Variants in GALNT15 observed in about 807,000 individuals in gnomAD.
The protein encoded by GALNT15 is polypeptide N-acetylgalactosaminyltransferase 15.
GALNT15 carries 67 observed loss-of-function variants against 66.8 expected under a neutral mutation model. The ratio of observed to expected loss-of-function variants is 1.00; its 90% confidence interval spans 0.82 to 1.23. GALNT15 has a LOEUF of 1.23. Among genes scored for constraint, GALNT15 ranks in the 50% most tolerant of loss-of-function variants. GALNT15 has a pLI of 0.00. For missense variants in GALNT15, 827 were observed against 804.3 expected, an observed-to-expected ratio of 1.03 and a Z score of -0.34; for synonymous variants, 313 against 311.5, an observed-to-expected ratio of 1.00 and a Z score of -0.05.
rs1006714312 is a variant in GALNT15, at chr3:16,189,996, C to T, written c.540-5764C>T. Among the ~76,000 whole-genome samples the T allele has an allele frequency of 2.0e-5, 3 of 152,218 alleles. No homozygotes were observed. Among genetic ancestry groups the T allele is most frequent in the Non-Finnish European group, 2.9e-5 (2 of 68,054 alleles). ...GGATTTGAACCCAATGCCAAAACTT[C>T]GCCTTTTATCCACTTGATAAAACAT... is the stretch of plus-strand genomic sequence containing the variant. On this transcript the variant is annotated intron_variant, in intron 1 of 9. Coordinates refer to ENST00000339732, the MANE Select transcript of GALNT15 (RefSeq NM_054110.5). This position sits in a 1 kb window ranked among gnomAD's most constrained non-coding sequence, Gnocchi z 5.1.
rs1198148818 is a variant in GALNT15 at position 16,182,699 on chromosome 3, T to C, written c.539+7009T>C. On this transcript the variant is annotated intron_variant, in intron 1 of 9. Coordinates refer to ENST00000339732, the MANE Select transcript of GALNT15 (RefSeq NM_054110.5). This position sits in a 1 kb window ranked among gnomAD's most constrained non-coding sequence, Gnocchi z 6.1. ...CACTAACAACCACTGCCCTCTACTC[T>C]AACTGTGGTCCAGGAACCAACAGCA... 1 of 152,216 alleles carries C rather than the reference T, an allele frequency of 6.6e-6. No homozygotes were observed. The highest frequency in any genetic ancestry group is 1.5e-5 in the Non-Finnish European group (1 of 68,062). The allele number at this position is 152,216 out of a possible 1,614,324, so 9.4% of individuals were successfully genotyped here. A position where few individuals can be genotyped will look rare whatever the true frequency, so the allele number is the denominator to read the frequency against.
the GALNT15 span, among the ~76,000 whole-genome samples, chr3:16,248,087 G>C: frequency 2.0e-5 from 3 of 152,138 alleles, no homozygotes; most frequent in Non-Finnish European, 2.9e-5. This position sits in a 1 kb window ranked among gnomAD's most constrained non-coding sequence, Gnocchi z 4.9. Context: ...GCAGTTTACT[G>C]ACAATGTTTA....
In GALNT15 at chr3:16,225,198, G is replaced by A. The variant is rs557476040; in HGVS notation, c.1774-2156G>A. ...TAAATGACCAGATCCTCAAGAACTC[G>A]CTATCAAGAAGACAGCACGAAGCCA... On this transcript the variant is annotated intron_variant, in intron 9 of 9. Coordinates refer to ENST00000339732, the MANE Select transcript of GALNT15 (RefSeq NM_054110.5). This position sits in a 1 kb window ranked among gnomAD's most constrained non-coding sequence, Gnocchi z 4.4. 2.6e-5 allele frequency among the ~76,000 whole-genome samples: 4 copies of A among 152,188 alleles called. No homozygotes were observed. The South Asian group carries it at 8.3e-4, about 32-fold the overall frequency.
intron 3 of GALNT15, among the ~76,000 whole-genome samples, chr3:16,206,666 C>T (rs2063760588): frequency 9.0e-6 from 1 of 111,162 alleles, no homozygotes; most frequent in Admixed American, 1.1e-4. Context: ...AAGCGAGACT[C>T]TGTCTAAAAA....
At chr3:16,233,582 A>G (rs9858765), downstream of GALNT15, among the ~76,000 whole-genome samples, 4,184 of 151,336 alleles carry the variant, frequency 0.028, 179 homozygotes, top group African/African-American at 0.095. Context: ...CACTTTCTTT[A>G]TCTTTCCCCA....
rs561737880 is a variant in GALNT15 at position 16,187,501 on chromosome 3, A to C, written c.540-8259A>C. Among the ~76,000 whole-genome samples, 2 of 152,252 alleles carry C rather than the reference A, an allele frequency of 1.3e-5. No homozygotes were observed. The highest frequency in any genetic ancestry group is 3.9e-4 in the East Asian group (2 of 5,154). Reference sequence around the variant, plus strand: ...TTCTTCAAGCAGACTGTAATCCTCTATTAGGCTACGTTGGTTTCATTACAT... The same window carrying C: ...TTCTTCAAGCAGACTGTAATCCTCTCTTAGGCTACGTTGGTTTCATTACAT... On this transcript the variant is annotated intron_variant, in intron 1 of 9. Coordinates refer to ENST00000339732, the MANE Select transcript of GALNT15 (RefSeq NM_054110.5). This position sits in a 1 kb window ranked among gnomAD's most constrained non-coding sequence, Gnocchi z 5.1.
the GALNT15 span, among the ~76,000 whole-genome samples, chr3:16,245,205 G>A: frequency 2.6e-5 from 4 of 152,108 alleles, no homozygotes; most frequent in Non-Finnish European, 2.9e-5. Flanking sequence ...CAACTTTAAC[G>A]TGTCCTTATA....
downstream of GALNT15, among the ~76,000 whole-genome samples, chr3:16,233,267 G>C (rs1000911805): frequency 2.0e-5 from 3 of 151,246 alleles, no homozygotes; most frequent in African/African-American, 7.3e-5. Flanking sequence ...GCTAATTTTT[G>C]TATTTTTAGT....
intron 3 of GALNT15, among the ~76,000 whole-genome samples, chr3:16,207,239 A>G (rs1039175386): frequency 2.6e-5 from 4 of 152,180 alleles, no homozygotes; most frequent in African/African-American, 4.8e-5. Context: ...TGTAAACACA[A>G]TGTGGCTAGT....
At chr3:16,177,907 G>A (rs1394127168) in intron 1 of GALNT15, among the ~76,000 whole-genome samples, 1 of 152,184 alleles carries the variant, frequency 6.6e-6, no homozygotes, top group Non-Finnish European at 1.5e-5. Context: ...GTTGTATGTG[G>A]CACAAGTGCA....
the GALNT15 span, among the ~76,000 whole-genome samples, chr3:16,246,889 A>G: frequency 6.6e-6 from 1 of 152,216 alleles, no homozygotes; most frequent in Non-Finnish European, 1.5e-5. Flanking sequence ...TGTGAGGCCT[A>G]TGGCTTGTAA....
At position 16,181,420 on chromosome 3, in the gene GALNT15, T is replaced by G. The variant is rs1268576959; in HGVS notation, c.539+5730T>G. Among the ~76,000 whole-genome samples the G allele has an allele frequency of 1.3e-5, 2 of 152,064 alleles. No homozygotes were observed. Among genetic ancestry groups the G allele is most frequent in the Admixed American group, 6.5e-5 (1 of 15,268 alleles). On this transcript the variant is annotated intron_variant, in intron 1 of 9. Coordinates refer to ENST00000339732, the MANE Select transcript of GALNT15 (RefSeq NM_054110.5). The surrounding 1 kb of genome is among the most constrained non-coding windows in gnomAD (Gnocchi z 5.9). The stretch of plus-strand genomic sequence containing the variant: ...GAGCTGGGAGGGATATCTTCTGCTT[T>G]GTTCCCCACTTCCTGCCCCAGAGGC...
At chr3:16,206,671 T>TAAAAAAAAA (rs1170870767) in intron 3 of GALNT15, among the ~76,000 whole-genome samples, 36 of 60,000 alleles carry the variant, frequency 6.0e-4, no homozygotes, top group Non-Finnish European at 8.3e-4. Flanking sequence ...AGACTCTGTC[T>TAAAAAAAAA]AAAAAAAAAA....
chr3:16,194,848 G>A (rs2063615952), intron 1 of GALNT15, among the ~76,000 whole-genome samples: 1 of 152,158 alleles, frequency 6.6e-6, no homozygotes, highest in African/African-American at 2.4e-5. Flanking sequence ...TGGGGAGGGA[G>A]AGCATCAGGA....
rs2063493107 is a variant in GALNT15 at position 16,183,876 on chromosome 3, T to C, written c.539+8186T>C. 6.6e-6 allele frequency among the ~76,000 whole-genome samples: 1 copy of C among 152,194 alleles called. No individual in the cohort carries two copies. The highest frequency in any genetic ancestry group is 6.5e-5 in the Admixed American group (1 of 15,286). On this transcript the variant is annotated intron_variant, in intron 1 of 9. Transcript: ENST00000339732. This position sits in a 1 kb window ranked among gnomAD's most constrained non-coding sequence, Gnocchi z 5.2. ...CAGAGCCATCATCCAAATGCATTTT[T>C]CCAAGTTCACAGGGGATCCTGGAGC...
Position 16,195,477 on chromosome 3 carries a change from G to A in GALNT15, c.540-283G>A, listed in dbSNP as rs529603176. Among the ~76,000 whole-genome samples, 19 of 152,286 alleles carry A rather than the reference G, an allele frequency of 1.2e-4. No homozygotes were observed. The East Asian group carries it at 2.3e-3, about 19-fold the overall frequency. On this transcript the variant is annotated intron_variant, in intron 1 of 9. Transcript: ENST00000339732. The surrounding 1 kb of genome is among the most constrained non-coding windows in gnomAD (Gnocchi z 4.6). The stretch of plus-strand genomic sequence containing the variant: ...TCATTCATTCTCATTTTACAGATGA[G>A]GACAGTCATTTGCTGAGGATGACGG...
intron 2 of GALNT15, among the ~76,000 whole-genome samples, chr3:16,196,412 G>A (rs911645035): frequency 6.6e-6 from 1 of 152,196 alleles, no homozygotes; most frequent in Non-Finnish European, 1.5e-5. Context: ...GGGGCCCAGA[G>A]AAGACAGCAG....
chr3:16,176,060 T>C lies in GALNT15; in HGVS notation c.539+370T>C, dbSNP rs1051491366. On this transcript the variant is annotated intron_variant, in intron 1 of 9. Transcript: ENST00000339732. The surrounding 1 kb of genome is among the most constrained non-coding windows in gnomAD (Gnocchi z 5.6). ...TCTTTAGGTCAAATGGCTTTATTTCTATAACACAGAAGGGAGGTTAGAGCA... is the reference window on the plus strand; with the variant it reads ...TCTTTAGGTCAAATGGCTTTATTTCCATAACACAGAAGGGAGGTTAGAGCA... 6.6e-6 allele frequency among the ~76,000 whole-genome samples: 1 copy of C among 152,074 alleles called. No homozygotes were observed. Among genetic ancestry groups the C allele is most frequent in the African/African-American group, 2.4e-5 (1 of 41,312 alleles).
In GALNT15 at chr3:16,195,939, TTCC is replaced by T; in HGVS notation, c.706+17_706+19del. ...CTCAGCCAGCAAGGTAGCCACGGCT[TTCC>T]TCCAGGCTCGTCTGGGTGAGCCTTA... On this transcript the variant is annotated intron_variant, in intron 2 of 9. Transcript: ENST00000339732. This position sits in a 1 kb window ranked among gnomAD's most constrained non-coding sequence, Gnocchi z 4.6. 1 of 1,613,812 alleles carries T rather than the reference TTCC, an allele frequency of 6.2e-7. No individual in the cohort carries two copies. The highest frequency in any genetic ancestry group is 2.2e-5 in the East Asian group (1 of 44,878).
Sources: gnomAD v4.1 joint callset for allele counts (sites outside exome capture counted in the v4.1 genomes callset) on GRCh38, gnomAD v4.1.1 for gene constraint, Gnocchi (gnomAD v3.1) non-coding constraint, MANE v1.5 for transcripts, NCBI Gene and HGNC (gene_info 2026-07-23, HGNC 2026-07-21) for gene names.